GPR158: variants seen among roughly 807,000 people sequenced by gnomAD.
GPR158 encodes metabotropic glycine receptor.
Under a neutral mutation model 78.2 loss-of-function variants are expected in GPR158, and 30 were observed. That is an observed-to-expected ratio of 0.38 (90% CI 0.29 to 0.52). GPR158 has a LOEUF of 0.52. Ranked by LOEUF, GPR158 falls within the 20% of genes least tolerant of loss-of-function variation. GPR158 has a pLI of 0.83. For synonymous variants in GPR158, 581 were observed against 591.1 expected (o/e 0.98, Z 0.25); for missense variants, 1,463 against 1,523.5 (o/e 0.96, Z 0.66).
intron 2 of GPR158, among the ~76,000 whole-genome samples, chr10:25,291,719 C>G (rs1273326639): frequency 6.6e-6 from 1 of 151,826 alleles, no homozygotes; most frequent in Non-Finnish European, 1.5e-5. Context: ...GTGTTAACAT[C>G]TTTAATCATA....
At chr10:25,266,008 G>A (rs1413963853) in intron 2 of GPR158, among the ~76,000 whole-genome samples, 2 of 152,096 alleles carry the variant, frequency 1.3e-5, no homozygotes, top group South Asian at 4.1e-4. Flanking sequence ...TTCCTCTTCA[G>A]TTTGTTTGCT....
chr10:25,418,221 T>C (rs1248750845), intron 4 of GPR158, among the ~76,000 whole-genome samples: 1 of 152,220 alleles, frequency 6.6e-6, no homozygotes, highest in Admixed American at 6.5e-5. Flanking sequence ...GAAAGTCTAA[T>C]TTTTAGTACA....
chr10:25,486,526 G>A (rs935494560), intron 5 of GPR158, among the ~76,000 whole-genome samples: 4 of 152,190 alleles, frequency 2.6e-5, no homozygotes, highest in East Asian at 1.9e-4. Flanking sequence ...ATCCAACCCC[G>A]AATACGTTAG....
intron 2 of GPR158, among the ~76,000 whole-genome samples, chr10:25,283,999 T>C (rs1009891715): frequency 2.0e-5 from 3 of 152,126 alleles, no homozygotes; most frequent in Admixed American, 6.5e-5. Context: ...GTATGTATTC[T>C]TCTTAATTTG....
In GPR158 at chr10:25,485,884, C is replaced by T. The variant is rs538842318; in HGVS notation, c.1404+19165C>T. 6.2e-4 allele frequency among the ~76,000 whole-genome samples: 94 copies of T among 152,214 alleles called. 2 individuals are homozygous for T. Among genetic ancestry groups the T allele is most frequent in the African/African-American group, 1.9e-3 (79 of 41,544 alleles). Reference sequence around the variant, plus strand: ...AAACCTAACCCCCAAGATCATGCTACTACAAGGTAAGCCTTTGGAGGTGAT... The same window carrying T: ...AAACCTAACCCCCAAGATCATGCTATTACAAGGTAAGCCTTTGGAGGTGAT... On this transcript the variant is annotated intron_variant, in intron 5 of 10. Transcript: ENST00000376351.
chr10:25,307,995 T>C (rs909335913), intron 2 of GPR158, among the ~76,000 whole-genome samples: 1 of 151,162 alleles, frequency 6.6e-6, no homozygotes, highest in Non-Finnish European at 1.5e-5. Flanking sequence ...GATTTTACAT[T>C]CATACCAGCA....
intron 2 of GPR158, among the ~76,000 whole-genome samples, chr10:25,260,487 T>C (rs1853954021): frequency 6.6e-6 from 1 of 152,116 alleles, no homozygotes; most frequent in Non-Finnish European, 1.5e-5. Context: ...ACAGTTAATA[T>C]GAATTTTTAC....
chr10:25,318,324 C>T lies in GPR158; in HGVS notation c.1009-77587C>T, dbSNP rs1358450687. Among the ~76,000 whole-genome samples, 4 of 152,022 alleles carry T rather than the reference C, an allele frequency of 2.6e-5. No homozygotes were observed. In the East Asian group the frequency reaches 7.8e-4, roughly 30 times the overall value. On this transcript the variant is annotated intron_variant, in intron 2 of 10. Transcript: ENST00000376351. ...ACTCATCTTTCTCGGTGAGCACTGC[C>T]TTTTCTAGAATGCTTTTTGGAGTCC...
chr10:25,268,983 C>T (rs1854080417), intron 2 of GPR158, among the ~76,000 whole-genome samples: 1 of 152,122 alleles, frequency 6.6e-6, no homozygotes, highest in African/African-American at 2.4e-5. Context: ...TAAGCAATTA[C>T]TTGTGCCTTT....
chr10:25,273,869 A>C (rs769403281), intron 2 of GPR158, among the ~76,000 whole-genome samples: 2 of 151,910 alleles, frequency 1.3e-5, no homozygotes, highest in Non-Finnish European at 2.9e-5. Context: ...TCTTAGAGAT[A>C]GGGTTTTGTC....
intron 5 of GPR158, among the ~76,000 whole-genome samples, chr10:25,498,341 C>A (rs1835910466): frequency 6.6e-6 from 1 of 152,060 alleles, no homozygotes; most frequent in Admixed American, 6.6e-5. Flanking sequence ...TAAGGGAAGC[C>A]CAGAAGGCAC....
At chr10:25,301,852 T>C (rs1401071764) in intron 2 of GPR158, among the ~76,000 whole-genome samples, 1 of 152,172 alleles carries the variant, frequency 6.6e-6, no homozygotes, top group East Asian at 1.9e-4. Context: ...TTTTCTTCCC[T>C]TAAGAAAGTT....
intron 4 of GPR158, among the ~76,000 whole-genome samples, chr10:25,435,220 T>C (rs1331751269): frequency 6.6e-6 from 1 of 152,172 alleles, no homozygotes; most frequent in African/African-American, 2.4e-5. Context: ...GTAGAGTTCA[T>C]AATCTTGTAG....
chr10:25,235,852 A>G (rs902361052), intron 2 of GPR158, among the ~76,000 whole-genome samples: 2 of 151,884 alleles, frequency 1.3e-5, no homozygotes, highest in Non-Finnish European at 2.9e-5. Context: ...GCCTGCCACC[A>G]TGCCCGGCTA....
At chr10:25,303,497 G>A (rs1284444245) in intron 2 of GPR158, among the ~76,000 whole-genome samples, 1 of 152,100 alleles carries the variant, frequency 6.6e-6, no homozygotes, top group African/African-American at 2.4e-5. Flanking sequence ...AACAAAGCTG[G>A]GAAGGAAAAT....
intron 3 of GPR158, among the ~76,000 whole-genome samples, chr10:25,401,077 GC>G (rs1316570784): frequency 6.6e-6 from 1 of 152,102 alleles, no homozygotes; most frequent in Non-Finnish European, 1.5e-5. Flanking sequence ...TAGTTTTCTT[GC>G]TTTGCTTGAG....
At chr10:25,529,636 A>T (rs1836397160) in intron 5 of GPR158, among the ~76,000 whole-genome samples, 1 of 152,228 alleles carries the variant, frequency 6.6e-6, no homozygotes, top group Admixed American at 6.5e-5. Flanking sequence ...CTAATAAAAA[A>T]CAATGCCAAG....
At chr10:25,516,192 C>T (rs1289089100) in intron 5 of GPR158, among the ~76,000 whole-genome samples, 1 of 151,566 alleles carries the variant, frequency 6.6e-6, no homozygotes, top group Non-Finnish European at 1.5e-5. Flanking sequence ...CTGCTCATGT[C>T]CTTTGCCCAC....
intron 2 of GPR158, among the ~76,000 whole-genome samples, chr10:25,248,038 G>A (rs1445429057): frequency 1.3e-5 from 2 of 151,926 alleles, no homozygotes; most frequent in East Asian, 3.9e-4. Context: ...TCTCATTGTG[G>A]TTTTGATTTG....
Sources: allele counts gnomAD v4.1 joint callset (sites outside exome capture counted in the v4.1 genomes callset), GRCh38; gene constraint gnomAD v4.1.1; transcripts MANE v1.5; gene names NCBI Gene and HGNC (gene_info 2026-07-23, HGNC 2026-07-21).